The following MSR1 variants were observed in gnomAD, a reference collection of about 807,000 sequenced individuals.
MSR1 encodes macrophage scavenger receptor 1, also known as macrophage scavenger receptor types I and II.
Under a neutral mutation model 47.2 loss-of-function variants are expected in MSR1, and 53 were observed. The ratio of observed to expected loss-of-function variants is 1.12; its 90% CI spans 0.90 to 1.41. The LOEUF (loss-of-function observed/expected upper bound fraction) is 1.41, where lower values mean the gene tolerates loss of function less well. MSR1 is among the 40% of genes most tolerant of loss of function. The pLI, the probability that MSR1 is intolerant of heterozygous loss-of-function variation, is 0.00. For synonymous variants in MSR1, 239 were observed against 185.6 expected (o/e 1.29, Z -2.34); for missense variants, 786 against 546.9 (o/e 1.44, Z -4.36).
intron 7 of MSR1, among the ~76,000 whole-genome samples, chr8:16,147,804 G>A (rs562726511): frequency 5.9e-5 from 9 of 152,092 alleles, no homozygotes; most frequent in Non-Finnish European, 1.2e-4. Flanking sequence ...GTTTTGTCAA[G>A]GGACTTATTA....
chr8:16,127,009 G>T (rs529044403), intron 8 of MSR1, among the ~76,000 whole-genome samples: 22 of 152,080 alleles, frequency 1.4e-4, no homozygotes, highest in Admixed American at 1.4e-3. Context: ...CACATTATAG[G>T]TATTATTGAT....
chr8:16,139,485 A>C, intron 8 of MSR1: 1 of 983,920 alleles, frequency 1.0e-6, no homozygotes, highest in Non-Finnish European at 1.2e-6. Flanking sequence ...TTCTACTAGA[A>C]TCTTAATAGT....
rs183696515 is a variant in MSR1 at position 16,189,552 on chromosome 8, A to C, written c.-5+3046T>G. Among the ~76,000 whole-genome samples the C allele has an allele frequency of 6.3e-4, 61 of 97,412 alleles. 4 individuals are homozygous for C. The East Asian group carries it at 0.019, about 30-fold the overall frequency. 63.9% of individuals were successfully genotyped at this position (97,412 alleles called of 152,430 possible). A position where few individuals can be genotyped will look rare whatever the true frequency, so the allele number is the denominator to read the frequency against. ...ATTTTATATATATTTTATATATTTT[A>C]TATATATGAAATCTTATTTTATATA... On this transcript the variant is annotated intron_variant, in intron 1 of 9. Coordinates refer to ENST00000262101, the MANE Select transcript of MSR1 (RefSeq NM_138715.3).
rs1172183358 is a variant in MSR1 at position 16,138,018 on chromosome 8, A to G, written c.1033+5540T>C. 3.9e-5 allele frequency among the ~76,000 whole-genome samples: 6 copies of G among 151,934 alleles called. No homozygotes were observed. The East Asian group carries it at 1.2e-3, about 29-fold the overall frequency. ...TAAAAAAAGATAAAGGAAAAAAAAA[A>G]AAAGCCCTTGCCTCACAGGCTTTAC... On this transcript the variant is annotated intron_variant, in intron 8 of 9. Coordinates refer to ENST00000262101, the MANE Select transcript of MSR1 (RefSeq NM_138715.3).
intron 8 of MSR1, among the ~76,000 whole-genome samples, chr8:16,125,393 G>A (rs953629804): frequency 1.3e-5 from 2 of 152,036 alleles, no homozygotes; most frequent in African/African-American, 2.4e-5. Context: ...TTCTGGGATG[G>A]CCAATGATCT....
rs187634135 is a variant in MSR1, at chr8:16,126,652, A to C, written c.1034-6046T>G. Among the ~76,000 whole-genome samples the C allele has an allele frequency of 3.9e-5, 6 of 152,162 alleles. No individual in the cohort carries two copies. In the East Asian group the frequency reaches 1.2e-3, roughly 29 times the overall value. On this transcript the variant is annotated intron_variant, in intron 8 of 9. Transcript: ENST00000262101. ...ATTTCTCTAGAAAATTTCTCTAGAA[A>C]AATAACATAACATATTGTGTTACTC...
At chr8:16,162,183 A>G (rs1006625133) in intron 5 of MSR1, among the ~76,000 whole-genome samples, 3 of 152,048 alleles carry the variant, frequency 2.0e-5, no homozygotes, top group African/African-American at 7.2e-5. Context: ...TGACAAACAG[A>G]TTGGTGGCAG....
intron 8 of MSR1, among the ~76,000 whole-genome samples, chr8:16,130,035 A>G (rs1255658895): frequency 6.6e-6 from 1 of 152,108 alleles, no homozygotes; most frequent in Admixed American, 6.6e-5. Flanking sequence ...AATTGCATGA[A>G]TTTCCACTTT....
At chr8:16,163,263 T>G (rs947094908) in intron 5 of MSR1, among the ~76,000 whole-genome samples, 2 of 151,810 alleles carry the variant, frequency 1.3e-5, no homozygotes, top group Non-Finnish European at 2.9e-5. Flanking sequence ...CATGATAAGA[T>G]AGTGGAAATA....
intron 2 of MSR1, among the ~76,000 whole-genome samples, chr8:16,177,116 C>A (rs1258228827): frequency 2.0e-5 from 3 of 152,084 alleles, no homozygotes; most frequent in Admixed American, 6.6e-5. Flanking sequence ...GTTGTCGTAA[C>A]CTGTGCAAAC....
chr8:16,129,112 A>G (rs978083969), intron 8 of MSR1, among the ~76,000 whole-genome samples: 11 of 152,184 alleles, frequency 7.2e-5, no homozygotes, highest in African/African-American at 2.4e-4. Flanking sequence ...AATACTGTAC[A>G]CAGAAACTGA....
intron 8 of MSR1, among the ~76,000 whole-genome samples, chr8:16,136,238 T>C (rs1800387140): frequency 6.6e-6 from 1 of 152,136 alleles, no homozygotes; most frequent in Admixed American, 6.6e-5. Context: ...GCATATTTCA[T>C]TGTTGTCTTA....
chr8:16,141,916 G>C (rs147036758), intron 8 of MSR1, among the ~76,000 whole-genome samples: 200 of 152,164 alleles, frequency 1.3e-3, no homozygotes, highest in African/African-American at 4.7e-3. Flanking sequence ...AAAAACAAAA[G>C]ATAAAATAAA....
chr8:16,182,733 A>G (rs1801870922), intron 1 of MSR1, among the ~76,000 whole-genome samples: 2 of 152,140 alleles, frequency 1.3e-5, no homozygotes, highest in Non-Finnish European at 2.9e-5. Flanking sequence ...TGGAGCTGTC[A>G]TCTCCTATGA....
chr8:16,158,930 A>ATTTTTTTT (rs34495946), intron 5 of MSR1, among the ~76,000 whole-genome samples: 2 of 107,804 alleles, frequency 1.9e-5, no homozygotes, highest in African/African-American at 3.5e-5. Context: ...CCTTTGGTTA[A>ATTTTTTTT]TTTTTTTTTT....
At chr8:16,125,764 A>T (rs1022608029) in intron 8 of MSR1, among the ~76,000 whole-genome samples, 1 of 152,088 alleles carries the variant, frequency 6.6e-6, no homozygotes, top group African/African-American at 2.4e-5. Context: ...TCTTTTAAAA[A>T]TTTTTAAAAG....
At chr8:16,184,935 T>C (rs1000049941) in intron 1 of MSR1, among the ~76,000 whole-genome samples, 2 of 151,922 alleles carry the variant, frequency 1.3e-5, no homozygotes, top group Non-Finnish European at 2.9e-5. Context: ...CTATGAGTGA[T>C]TTAGACTAAC....
intron 1 of MSR1, among the ~76,000 whole-genome samples, chr8:16,191,828 A>G (rs544114810): frequency 1.3e-5 from 2 of 152,302 alleles, no homozygotes; most frequent in South Asian, 4.1e-4. Context: ...TGCTGTGTGA[A>G]TCTTACTTAG....
intron 1 of MSR1, among the ~76,000 whole-genome samples, chr8:16,178,554 G>T (rs771051161): frequency 6.6e-6 from 1 of 151,970 alleles, no homozygotes; most frequent in Non-Finnish European, 1.5e-5. Context: ...TAGTGCCGCC[G>T]CAATAAACAT....
Sources: gnomAD v4.1 joint callset for allele counts (sites outside exome capture counted in the v4.1 genomes callset) on GRCh38, gnomAD v4.1.1 for gene constraint, MANE v1.5 for transcripts, NCBI Gene and HGNC (gene_info 2026-07-23, HGNC 2026-07-21) for gene names.